Variants in PAM16 observed in about 807,000 individuals in gnomAD.
PAM16 encodes presequence translocase associated motor 16, also known as mitochondrial import inner membrane translocase subunit TIM16.
In PAM16, 11 loss-of-function variants were observed where a neutral mutation model predicts 17.9. That is an observed-to-expected ratio of 0.62 (90% CI 0.39 to 1.02). PAM16 has a LOEUF of 1.02. PAM16 is among the 50% of genes least tolerant of loss of function. PAM16 has a pLI of 0.01. For synonymous variants in PAM16, 72 were observed against 67.4 expected, an observed-to-expected ratio of 1.07 and a Z score of -0.34; for missense variants, 199 against 165.4, an observed-to-expected ratio of 1.20 and a Z score of -1.11.
At chr16:4,345,775 T>G in intron 1 of PAM16, 4 of 895,528 alleles carry the variant, frequency 4.5e-6, no homozygotes, top group Non-Finnish European at 5.3e-6. Flanking sequence ...TGATGACACC[T>G]GCGGTCTCAC....
chr16:4,340,279 T>C lies in PAM16; in HGVS notation c.*40A>G. ...AGAAAAGAAATTTATTACCAAGCTA[T>C]AAATTAGAGGCGGCGGGGTGGGCGG... On this transcript the variant is annotated 3_prime_UTR_variant, in exon 5 of 5. Transcript: ENST00000318059. The C allele has an allele frequency of 6.4e-7, 1 of 1,574,292 alleles. No individual in the cohort carries two copies. Among genetic ancestry groups the C allele is most frequent in the Non-Finnish European group, 8.7e-7 (1 of 1,154,290 alleles).
At chr16:4,344,153 G>A (rs1041821939) in intron 1 of PAM16, 2 of 394,826 alleles carry the variant, frequency 5.1e-6, no homozygotes, top group African/African-American at 4.2e-5. Context: ...ACAGAGTCGA[G>A]GGAAAACTCA....
intron 1 of PAM16, 171 bp from the exon 2 acceptor site, chr16:4,343,462 G>C (rs1328289340): frequency 7.0e-7 from 1 of 1,431,786 alleles, no homozygotes; most frequent in Non-Finnish European, 9.1e-7. Context: ...AGCTTCCATG[G>C]TGGGTGGCTT....
chr16:4,347,288 C>G (rs928416374), intron 1 of PAM16: 33 of 152,154 alleles, frequency 2.2e-4, no homozygotes, highest in African/African-American at 7.5e-4. Context: ...AGGCTGAGCA[C>G]ACGCCACCAC....
intron 2 of PAM16, among the ~76,000 whole-genome samples, chr16:4,342,132 C>T (rs906877540): frequency 2.6e-5 from 4 of 152,154 alleles, no homozygotes; most frequent in Admixed American, 1.3e-4. Context: ...GGGCAGATCA[C>T]GAGGTCAAGA....
chr16:4,343,063 C>T (rs1044281518), intron 2 of PAM16, 144 bp downstream of exon 2: 9 of 1,066,488 alleles, frequency 8.4e-6, no homozygotes, highest in South Asian at 4.2e-5. Flanking sequence ...AAGAATGCCC[C>T]GGTCTGGCAT....
At chr16:4,350,225 G>C (rs1266454211) in intron 1 of PAM16, among the ~76,000 whole-genome samples, 6 of 151,280 alleles carry the variant, frequency 4.0e-5, no homozygotes, top group African/African-American at 1.5e-4. Flanking sequence ...AGCGATACTG[G>C]CGCCTCAACT....
intron 4 of PAM16, 57 bp downstream of exon 4, chr16:4,340,863 C>T: frequency 6.2e-7 from 1 of 1,600,606 alleles, no homozygotes; most frequent in Non-Finnish European, 8.6e-7. Flanking sequence ...AATTGAGCCC[C>T]AGGTGAGAAG....
intron 1 of PAM16, among the ~76,000 whole-genome samples, chr16:4,344,356 A>G (rs501317): frequency 0.016 from 5 of 314 alleles, 2 homozygotes; most frequent in Non-Finnish European, 0.028. Context: ...CTGTGTGAGA[A>G]GAGGGGGTTC....
Position 4,340,999 on chromosome 16 carries a change from G to A in PAM16, c.226-14C>T, listed in dbSNP as rs1348350215. Reference sequence around the variant, plus strand: ...GTGTTCATAGTTCTGCAGAGGAGAGGGGACGGGTGAGAGGGCTGCAGACTG... The same window carrying A: ...GTGTTCATAGTTCTGCAGAGGAGAGAGGACGGGTGAGAGGGCTGCAGACTG... On this transcript the variant is annotated splice_polypyrimidine_tract_variant and intron_variant, in intron 3 of 4. Transcript: ENST00000318059. 2.5e-6 allele frequency: 4 copies of A among 1,612,814 alleles called. No individual in the cohort carries two copies. The highest frequency in any genetic ancestry group is 3.4e-6 in the Non-Finnish European group (4 of 1,179,720).
At position 4,340,265 on chromosome 16, in the gene PAM16, T is replaced by A. The variant is rs1567227964; in HGVS notation, c.*54A>T. The A allele has an allele frequency of 6.4e-7, 1 of 1,568,558 alleles. No homozygotes were observed. Among genetic ancestry groups the A allele is most frequent in the Non-Finnish European group, 8.7e-7 (1 of 1,149,498 alleles). ...CAAACGAGAAATGCAGAAAAGAAAT[T>A]TATTACCAAGCTATAAATTAGAGGC... On this transcript the variant is annotated 3_prime_UTR_variant, in exon 5 of 5. Transcript: ENST00000318059.
At chr16:4,343,463 T>C (rs1303743540) in intron 1 of PAM16, 172 bp from the exon 2 acceptor site, 2 of 1,430,154 alleles carry the variant, frequency 1.4e-6, no homozygotes, top group Non-Finnish European at 1.8e-6. Flanking sequence ...GCTTCCATGG[T>C]GGGTGGCTTA....
chr16:4,349,440 T>C (rs1045343001), intron 1 of PAM16, among the ~76,000 whole-genome samples: 9 of 152,118 alleles, frequency 5.9e-5, no homozygotes, highest in Admixed American at 1.3e-4. Flanking sequence ...TAGTGGAGCA[T>C]GCCTGTTGTC....
intron 2 of PAM16, among the ~76,000 whole-genome samples, chr16:4,342,178 G>A (rs915667755): frequency 6.6e-6 from 1 of 152,180 alleles, no homozygotes; most frequent in African/African-American, 2.4e-5. Flanking sequence ...ATGAAAACCT[G>A]TAAAATACAA....
At chr16:4,345,021 A>T (rs897778440) in intron 1 of PAM16, among the ~76,000 whole-genome samples, 1 of 152,044 alleles carries the variant, frequency 6.6e-6, no homozygotes, top group Non-Finnish European at 1.5e-5. Flanking sequence ...GGCCTGGGAA[A>T]GACTGGGAAT....
intron 1 of PAM16, among the ~76,000 whole-genome samples, chr16:4,344,406 C>G (rs1596251212): frequency 1.6e-5 from 1 of 63,304 alleles, no homozygotes; most frequent in African/African-American, 6.3e-5. Flanking sequence ...GGAGGGGGTT[C>G]TGTGAGAGGA....
intron 1 of PAM16, chr16:4,348,148 G>C (rs963145241): frequency 3.3e-5 from 5 of 152,250 alleles, no homozygotes; most frequent in African/African-American, 1.2e-4. Flanking sequence ...ACAGGAGAAA[G>C]GTCAGGACCA....
chr16:4,343,633 A>G, intron 1 of PAM16: 1 of 1,270,928 alleles, frequency 7.9e-7, no homozygotes, highest in East Asian at 2.8e-5. Flanking sequence ...GCCAGAACAC[A>G]GGGACAGCCC....
intron 1 of PAM16, chr16:4,343,938 T>C (rs576102986): frequency 1.0e-5 from 4 of 398,080 alleles, no homozygotes; most frequent in African/African-American, 6.2e-5. Context: ...CACCCATTCA[T>C]TCAAACATCT....
Sources: allele counts gnomAD v4.1 joint callset (sites outside exome capture counted in the v4.1 genomes callset), GRCh38; gene constraint gnomAD v4.1.1; transcripts MANE v1.5; gene names NCBI Gene and HGNC (gene_info 2026-07-23, HGNC 2026-07-21).